The following NOTCH2NLC variants were observed in gnomAD, a reference collection of about 807,000 sequenced individuals.
NOTCH2NLC encodes the protein notch 2 N-terminal like C.
In NOTCH2NLC, 4 loss-of-function variants were observed where a neutral mutation model predicts 17.7. The observed-to-expected ratio is 0.23, with a 90% CI of 0.11 to 0.52. The LOEUF (loss-of-function observed/expected upper bound fraction) is 0.52, where lower values mean the gene tolerates loss of function less well. Among genes scored for constraint, NOTCH2NLC ranks in the 20% least tolerant of loss-of-function variants. The probability of loss-of-function intolerance (pLI) is 0.96; values close to 1 mark genes in which losing one functional copy is unlikely to be tolerated. For synonymous variants in NOTCH2NLC, 18 were observed against 86.0 expected (o/e 0.21, Z 4.38); for missense variants, 57 against 207.2 (o/e 0.28, Z 4.45).
Position 149,461,898 on chromosome 1 carries a change from C to T in NOTCH2NLC, c.470-1593C>T, listed in dbSNP as rs1162333124. Among the ~76,000 whole-genome samples the T allele has an allele frequency of 3.4e-4, 48 of 142,120 alleles. 1 individual carries two copies. The highest frequency in any genetic ancestry group is 3.6e-3 in the Middle Eastern group (1 of 278). 93.2% of individuals were successfully genotyped at this position (142,120 alleles called of 152,430 possible). A position where few individuals can be genotyped will look rare whatever the true frequency, so the allele number is the denominator to read the frequency against. On this transcript the variant is annotated intron_variant, in intron 3 of 4. Coordinates refer to ENST00000650865, the MANE Select transcript of NOTCH2NLC (RefSeq NM_001364013.2). ...ATTGCAAGGACAAAAAACCAAACAC[C>T]GCATGTTCTCACTCATAGGTGGGAA...
chr1:149,471,177 T>C lies in NOTCH2NLC; in HGVS notation c.*7024T>C, dbSNP rs1304686318. Among the ~76,000 whole-genome samples, 11 of 150,866 alleles carry C rather than the reference T, an allele frequency of 7.3e-5. 1 individual carries two copies. Among genetic ancestry groups the C allele is most frequent in the Non-Finnish European group, 1.3e-4 (9 of 67,492 alleles). The stretch of plus-strand genomic sequence containing the variant: ...CTACTTTATAATTGGTTTATCTTTT[T>C]AATATTGAACTGTAATAGTTTTAAA... On this transcript the variant is annotated 3_prime_UTR_variant, in exon 5 of 5. Coordinates refer to ENST00000650865, the MANE Select transcript of NOTCH2NLC (RefSeq NM_001364013.2).
intron 2 of NOTCH2NLC, among the ~76,000 whole-genome samples, chr1:149,441,062 C>G (rs2084516547): frequency 6.7e-6 from 1 of 149,956 alleles, no homozygotes; most frequent in African/African-American, 2.5e-5. Context: ...AGGCTTGTGG[C>G]CATGTTTTGC....
At chr1:149,460,868 T>A (rs1261570760) in intron 3 of NOTCH2NLC, among the ~76,000 whole-genome samples, 1 of 48,776 alleles carries the variant, frequency 2.1e-5, no homozygotes, top group African/African-American at 7.2e-5. Context: ...TCTTTCTTTC[T>A]TTCTTTCTTT....
chr1:149,428,943 A>T (rs2084427956), intron 1 of NOTCH2NLC, among the ~76,000 whole-genome samples: 3 of 148,208 alleles, frequency 2.0e-5, no homozygotes, highest in Admixed American at 1.3e-4. Context: ...TTCTCACTGA[A>T]ACTAATAAAA....
intron 2 of NOTCH2NLC, among the ~76,000 whole-genome samples, chr1:149,446,684 G>A (rs1375883611): frequency 8.4e-6 from 1 of 119,146 alleles, no homozygotes; most frequent in Non-Finnish European, 1.7e-5. Context: ...GACCTGGTAA[G>A]TATTCAGATT....
At chr1:149,398,793 C>G (rs2084224289) in intron 1 of NOTCH2NLC, among the ~76,000 whole-genome samples, 1 of 151,170 alleles carries the variant, frequency 6.6e-6, no homozygotes, top group Non-Finnish European at 1.5e-5. Flanking sequence ...AGGGCAGTTT[C>G]TGGTCTCCGA....
rs2084700156 is a variant in NOTCH2NLC, at chr1:149,468,683, C to A, written c.*4530C>A. Among the ~76,000 whole-genome samples the A allele has an allele frequency of 7.1e-6, 1 of 141,150 alleles. No homozygotes were observed. Among genetic ancestry groups the A allele is most frequent in the Non-Finnish European group, 1.5e-5 (1 of 64,704 alleles). 92.6% of individuals were successfully genotyped at this position (141,150 alleles called of 152,430 possible). Reference sequence around the variant, plus strand: ...ATTTTTTAAATGTACTGAAATTATTCTTTTTGAATCCTCCTATTTATTTCT... The same window carrying A: ...ATTTTTTAAATGTACTGAAATTATTATTTTTGAATCCTCCTATTTATTTCT... On this transcript the variant is annotated 3_prime_UTR_variant, in exon 5 of 5. Coordinates refer to ENST00000650865, the MANE Select transcript of NOTCH2NLC (RefSeq NM_001364013.2).
rs2084719460 is a variant in NOTCH2NLC at position 149,471,514 on chromosome 1, T to C, written c.*7361T>C. On this transcript the variant is annotated 3_prime_UTR_variant, in exon 5 of 5. Coordinates refer to ENST00000650865, the MANE Select transcript of NOTCH2NLC (RefSeq NM_001364013.2). ...AGGAGGGAGTCTAACTTGATTCTTTTACATGTGGATATTTAGTTGTCCCAG... is the reference window on the plus strand; with the variant it reads ...AGGAGGGAGTCTAACTTGATTCTTTCACATGTGGATATTTAGTTGTCCCAG... Among the ~76,000 whole-genome samples, 1 of 150,608 alleles carries C rather than the reference T, an allele frequency of 6.6e-6. No individual in the cohort carries two copies. The highest frequency in any genetic ancestry group is 2.4e-5 in the African/African-American group (1 of 40,978).
Position 149,461,328 on chromosome 1 carries a change from C to T in NOTCH2NLC, c.470-2163C>T, listed in dbSNP as rs1334272158. ...ATCTCTTCTCCACTGTAAATAAGTG[C>T]CTCTTAGTGACATGAGTGGAAAGAC... On this transcript the variant is annotated intron_variant, in intron 3 of 4. Coordinates refer to ENST00000650865, the MANE Select transcript of NOTCH2NLC (RefSeq NM_001364013.2). Among the ~76,000 whole-genome samples the T allele has an allele frequency of 3.8e-4, 56 of 149,276 alleles. 1 individual carries two copies. The highest frequency in any genetic ancestry group is 1.1e-3 in the Admixed American group (17 of 14,972).
In NOTCH2NLC at chr1:149,470,155, C is replaced by T. The variant is rs1398502703; in HGVS notation, c.*6002C>T. Among the ~76,000 whole-genome samples the T allele has an allele frequency of 6.6e-5, 10 of 151,264 alleles. 1 individual carries two copies. The highest frequency in any genetic ancestry group is 1.5e-4 in the African/African-American group (6 of 41,348). ...TCAGTACTTATTCCTACTTACTAGCCGTTTAATCTTGGTCAAGTCAGCCAT... is the reference window on the plus strand; with the variant it reads ...TCAGTACTTATTCCTACTTACTAGCTGTTTAATCTTGGTCAAGTCAGCCAT... On this transcript the variant is annotated 3_prime_UTR_variant, in exon 5 of 5. Coordinates refer to ENST00000650865, the MANE Select transcript of NOTCH2NLC (RefSeq NM_001364013.2).
In NOTCH2NLC at chr1:149,399,245, T is replaced by G. The variant is rs1388404586; in HGVS notation, c.135+8323T>G. ...CTCTTTTTATTTTCATCTTTTTTTT[T>G]GTGAGAAGATTCTGGAAGTTTTTAA... On this transcript the variant is annotated intron_variant, in intron 1 of 4. Transcript: ENST00000650865. Among the ~76,000 whole-genome samples, 63 of 151,176 alleles carry G rather than the reference T, an allele frequency of 4.2e-4. 2 individuals carry two copies. The highest frequency in any genetic ancestry group is 1.4e-3 in the African/African-American group (59 of 41,142).
intron 1 of NOTCH2NLC, among the ~76,000 whole-genome samples, chr1:149,415,137 T>C (rs2084328221): frequency 8.1e-6 from 1 of 122,922 alleles, no homozygotes; most frequent in Non-Finnish European, 1.7e-5. Context: ...TTTTTTTTTT[T>C]TTTGAAGTCT....
At chr1:149,460,867 CTTT>C (rs2084642383) in intron 3 of NOTCH2NLC, among the ~76,000 whole-genome samples, 6 of 13,592 alleles carry the variant, frequency 4.4e-4, no homozygotes, top group South Asian at 2.4e-3. Context: ...TTCTTTCTTT[CTTT>C]CTTTCTTTCT....
At chr1:149,462,112 C>T (rs1277196464) in intron 3 of NOTCH2NLC, among the ~76,000 whole-genome samples, 1 of 144,952 alleles carries the variant, frequency 6.9e-6, no homozygotes, top group Admixed American at 6.8e-5. Flanking sequence ...GCACGTGTAC[C>T]CTAGAACTTA....
In NOTCH2NLC at chr1:149,409,322, G is replaced by T. The variant is rs1388683625; in HGVS notation, c.135+18400G>T. Among the ~76,000 whole-genome samples, 297 of 147,234 alleles carry T rather than the reference G, an allele frequency of 2.0e-3. 11 individuals are homozygous for T. The highest frequency in any genetic ancestry group is 7.4e-3 in the African/African-American group (292 of 39,726). On this transcript the variant is annotated intron_variant, in intron 1 of 4. Transcript: ENST00000650865. ...ATCTCTGATTTAACTCTGTGTGTGT[G>T]TGTGCATGTGTGTGTGTGTGTGTGT...
At chr1:149,446,434 A>G (rs2084553634) in intron 2 of NOTCH2NLC, among the ~76,000 whole-genome samples, 1 of 135,886 alleles carries the variant, frequency 7.4e-6, no homozygotes. Context: ...TTCTACATCC[A>G]ACCCCATGCG....
chr1:149,415,192 A>AAGG (rs2084328557), intron 1 of NOTCH2NLC, among the ~76,000 whole-genome samples: 1 of 97,496 alleles, frequency 1.0e-5, no homozygotes, highest in Non-Finnish European at 2.0e-5. Context: ...AGAGCAGTAG[A>AAGG]AGGGGGAATC....
chr1:149,430,453 G>A (rs1456353497), intron 1 of NOTCH2NLC, among the ~76,000 whole-genome samples: 6 of 145,368 alleles, frequency 4.1e-5, no homozygotes, highest in Admixed American at 2.1e-4. Context: ...TTAGTTTGTC[G>A]AATTACTGTT....
chr1:149,440,131 C>G (rs1197337785), intron 2 of NOTCH2NLC, among the ~76,000 whole-genome samples: 88 of 150,546 alleles, frequency 5.8e-4, no homozygotes, highest in Admixed American at 8.0e-4. Context: ...TAGCATTTAG[C>G]GTATTAAATC....
Sources: gnomAD v4.1 joint callset for allele counts (sites outside exome capture counted in the v4.1 genomes callset) on GRCh38, gnomAD v4.1.1 for gene constraint, MANE v1.5 for transcripts, NCBI Gene and HGNC (gene_info 2026-07-23, HGNC 2026-07-21) for gene names.